The following FHIP1A variants were observed in gnomAD, a reference collection of about 807,000 sequenced individuals.
FHIP1A encodes FHF complex subunit HOOK interacting protein 1A.
In FHIP1A, 61 loss-of-function variants were observed where a neutral mutation model predicts 88.6. That is an observed-to-expected ratio of 0.69 (90% CI 0.56 to 0.85). FHIP1A has a LOEUF of 0.85. FHIP1A is among the 40% of genes least tolerant of loss of function. The pLI is 0.00. For synonymous variants in FHIP1A, 478 were observed against 496.0 expected (o/e 0.96, Z 0.48); for missense variants, 1,154 against 1,273.5 (o/e 0.91, Z 1.43).
intron 3 of FHIP1A, among the ~76,000 whole-genome samples, chr4:151,538,919 G>A (rs1241213984): frequency 6.6e-6 from 1 of 152,228 alleles, no homozygotes; most frequent in African/African-American, 2.4e-5. Flanking sequence ...GTATGGAGCA[G>A]TGTCTTTAGG....
At chr4:151,498,211 T>C (rs1730529628) in intron 3 of FHIP1A, among the ~76,000 whole-genome samples, 1 of 152,246 alleles carries the variant, frequency 6.6e-6, no homozygotes, top group Non-Finnish European at 1.5e-5. Flanking sequence ...GTCAGACTAA[T>C]TGTTTCTTTA....
intron 1 of FHIP1A, among the ~76,000 whole-genome samples, chr4:151,449,515 A>T (rs1398699862): frequency 1.3e-5 from 2 of 152,114 alleles, no homozygotes; most frequent in African/African-American, 2.4e-5. Flanking sequence ...TCATGCATTT[A>T]TCATTTCTTT....
chr4:151,427,912 G>A (rs899659877), intron 1 of FHIP1A, among the ~76,000 whole-genome samples: 1 of 152,134 alleles, frequency 6.6e-6, no homozygotes, highest in East Asian at 1.9e-4. Flanking sequence ...GGTTTATTAT[G>A]AAACTCGATG....
chr4:151,576,419 T>C (rs977413746), intron 4 of FHIP1A, among the ~76,000 whole-genome samples: 2 of 152,064 alleles, frequency 1.3e-5, no homozygotes, highest in African/African-American at 2.4e-5. Context: ...GGGACTCAAA[T>C]GATCCTAATA....
Position 151,669,169 on chromosome 4 carries a change from CAG to C in FHIP1A, c.*6418_*6419del, listed in dbSNP as rs1346546109. Among the ~76,000 whole-genome samples, 1 of 152,150 alleles carries C rather than the reference CAG, an allele frequency of 6.6e-6. No individual in the cohort carries two copies. Among genetic ancestry groups the C allele is most frequent in the Non-Finnish European group, 1.5e-5 (1 of 68,026 alleles). Reference sequence around the variant, plus strand: ...TTAGAATATCTCATCGGGTTTCAGTCAGAGCCATGCTTTGGGTTTTTCCTAGC... The same window carrying C: ...TTAGAATATCTCATCGGGTTTCAGTCAGCCATGCTTTGGGTTTTTCCTAGC... On this transcript the variant is annotated 3_prime_UTR_variant, in exon 14 of 14. Coordinates refer to ENST00000435205, the MANE Select transcript of FHIP1A (RefSeq NM_001109977.3).
chr4:151,597,719 T>C (rs950866138), intron 7 of FHIP1A, among the ~76,000 whole-genome samples: 3 of 152,182 alleles, frequency 2.0e-5, no homozygotes, highest in African/African-American at 7.2e-5. Flanking sequence ...CTTTCAGAGA[T>C]GCCCAGCCCA....
intron 4 of FHIP1A, among the ~76,000 whole-genome samples, chr4:151,569,390 A>G (rs761286415): frequency 3.3e-5 from 5 of 152,068 alleles, no homozygotes; most frequent in Non-Finnish European, 7.4e-5. Context: ...CATCTCTACT[A>G]AAAATACAAA....
At chr4:151,475,995 G>A (rs534871381) in intron 2 of FHIP1A, among the ~76,000 whole-genome samples, 6 of 151,690 alleles carry the variant, frequency 4.0e-5, no homozygotes, top group South Asian at 2.1e-4. Flanking sequence ...CTGAGTAGCC[G>A]GGACTACAGG....
At chr4:151,452,585 A>G (rs1339270764) in intron 1 of FHIP1A, among the ~76,000 whole-genome samples, 1 of 152,086 alleles carries the variant, frequency 6.6e-6, no homozygotes, top group African/African-American at 2.4e-5. Context: ...ATAAATAACC[A>G]TATCTGTATC....
rs907414867 is a variant in FHIP1A, at chr4:151,577,730, C to T, written c.386C>T (p.Ser129Leu). The T allele has an allele frequency of 5.3e-5, 83 of 1,551,512 alleles. No homozygotes were observed. Among genetic ancestry groups the T allele is most frequent in the Admixed American group, 2.5e-4 (13 of 50,982 alleles). ...ATGTATGAGATGTTGGTCACCCAGT[C>T]GCACCAGCCTCTGCTGCACCACAAA... ...LKMYEMLVTQ[S>L]HQPLLHHKPI... The change falls in exon 5 of 14, where the codon TCG becomes TTG. Residue 129 changes from serine to leucine, a missense_variant. Coordinates refer to ENST00000435205, the MANE Select transcript of FHIP1A (RefSeq NM_001109977.3).
intron 3 of FHIP1A, among the ~76,000 whole-genome samples, chr4:151,515,702 G>A (rs1045532977): frequency 2.6e-5 from 4 of 151,956 alleles, no homozygotes; most frequent in Admixed American, 1.3e-4. Context: ...ATTCACAATT[G>A]CTTCAAAGAG....
intron 2 of FHIP1A, among the ~76,000 whole-genome samples, chr4:151,458,464 G>T (rs1235677050): frequency 6.6e-6 from 1 of 152,084 alleles, no homozygotes; most frequent in African/African-American, 2.4e-5. Context: ...TTTGGTAGAG[G>T]GTAAAGAAAG....
intron 2 of FHIP1A, among the ~76,000 whole-genome samples, chr4:151,479,080 T>G (rs1407338182): frequency 6.6e-6 from 1 of 152,140 alleles, no homozygotes; most frequent in Non-Finnish European, 1.5e-5. Flanking sequence ...AATTGAAGAT[T>G]GAAGCTTCAT....
rs533646688 is a variant in FHIP1A, at chr4:151,530,318, G to A, written c.-122-35820G>A. ...TTATGGTTGCCCTCAAGCACATGGA[G>A]GCCCGAGACCAGGGCAGTAGGTAGG... On this transcript the variant is annotated intron_variant, in intron 3 of 13. Coordinates refer to ENST00000435205, the MANE Select transcript of FHIP1A (RefSeq NM_001109977.3). Among the ~76,000 whole-genome samples, 5 of 152,236 alleles carry A rather than the reference G, an allele frequency of 3.3e-5. No homozygotes were observed. The East Asian group carries it at 9.7e-4, about 29-fold the overall frequency.
chr4:151,470,841 C>A (rs1427903595), intron 2 of FHIP1A, among the ~76,000 whole-genome samples: 1 of 152,040 alleles, frequency 6.6e-6, no homozygotes, highest in Non-Finnish European at 1.5e-5. Context: ...CCCTTTGCAT[C>A]CTTCTACTGA....
chr4:151,498,375 T>A (rs557260933), intron 3 of FHIP1A, among the ~76,000 whole-genome samples: 1 of 152,110 alleles, frequency 6.6e-6, no homozygotes, highest in Non-Finnish European at 1.5e-5. Context: ...AACACAAACA[T>A]GTAATAGGGA....
Position 151,649,890 on chromosome 4 carries a change from A to C in FHIP1A, c.1849A>C (p.Ile617Leu). The C allele has an allele frequency of 6.4e-7, 1 of 1,551,474 alleles. No individual in the cohort carries two copies. Among genetic ancestry groups the C allele is most frequent in the Non-Finnish European group, 8.7e-7 (1 of 1,146,930 alleles). ...AGCACCCATTGATCCCCCCAAACACATCCAGGAGATGAAGAAGAATGCCCT... is the reference window on the plus strand; with the variant it reads ...AGCACCCATTGATCCCCCCAAACACCTCCAGGAGATGAAGAAGAATGCCCT... ...PPAPIDPPKH[I>L]QEMKKNALLL... Residue 617 changes from isoleucine (I) to leucine (L), a missense_variant, in exon 11 of 14, where the codon ATC becomes CTC. Physicochemically the swap from Ile to Leu is conservative, Grantham distance 5. Transcript: ENST00000435205.
intron 2 of FHIP1A, among the ~76,000 whole-genome samples, chr4:151,463,111 T>C (rs1196374136): frequency 6.6e-6 from 1 of 152,144 alleles, no homozygotes; most frequent in Non-Finnish European, 1.5e-5. Flanking sequence ...ACTCAGAAAA[T>C]ATTTTTGTTG....
chr4:151,411,610 A>G (rs1172343715), intron 1 of FHIP1A, among the ~76,000 whole-genome samples: 2 of 152,102 alleles, frequency 1.3e-5, no homozygotes, highest in Non-Finnish European at 1.5e-5. Flanking sequence ...TTGGTCTCCC[A>G]AAATTCTGGG....
Sources: gnomAD v4.1 joint callset for allele counts (sites outside exome capture counted in the v4.1 genomes callset) on GRCh38, gnomAD v4.1.1 for gene constraint, MANE v1.5 for transcripts, NCBI Gene and HGNC (gene_info 2026-07-23, HGNC 2026-07-21) for gene names.